Variants in MACROD2 observed in about 807,000 individuals in gnomAD.
MACROD2 encodes the protein mono-ADP ribosylhydrolase 2, also known as ADP-ribose glycohydrolase MACROD2.
In MACROD2, 36 loss-of-function variants were observed where a neutral mutation model predicts 70.4. The observed-to-expected ratio is 0.51, with a 90% CI of 0.39 to 0.68. The LOEUF (loss-of-function observed/expected upper bound fraction) is 0.68. Among genes scored for constraint, MACROD2 ranks in the 30% least tolerant of loss-of-function variants. The pLI, the probability that MACROD2 is intolerant of heterozygous loss-of-function variation, is 0.00. For missense variants in MACROD2, 496 were observed against 538.4 expected (o/e 0.92, Z 0.78); for synonymous variants, 172 against 178.8 (o/e 0.96, Z 0.30).
chr20:15,846,735 C>A (rs1286607353), intron 8 of MACROD2, among the ~76,000 whole-genome samples: 1 of 151,834 alleles, frequency 6.6e-6, no homozygotes, highest in Non-Finnish European at 1.5e-5. Context: ...GAAAACATGG[C>A]GAAATGTCAG....
chr20:14,605,507 G>A (rs997289220), intron 4 of MACROD2, among the ~76,000 whole-genome samples: 2 of 152,114 alleles, frequency 1.3e-5, no homozygotes, highest in Non-Finnish European at 2.9e-5. Context: ...GGTCCCACTC[G>A]TAGGTGCTGA....
chr20:15,373,700 G>C (rs2045524334), intron 6 of MACROD2, among the ~76,000 whole-genome samples: 1 of 152,086 alleles, frequency 6.6e-6, no homozygotes, highest in South Asian at 2.1e-4. Context: ...ACTGCACCCA[G>C]CTTTTTTTGG....
chr20:15,739,033 T>C (rs892869787), intron 8 of MACROD2, among the ~76,000 whole-genome samples: 5 of 151,932 alleles, frequency 3.3e-5, no homozygotes, highest in African/African-American at 1.2e-4. Flanking sequence ...TAGGCCAAAA[T>C]GATAATTTCG....
At chr20:15,496,821 G>A (rs935286708) in intron 7 of MACROD2, among the ~76,000 whole-genome samples, 3 of 152,150 alleles carry the variant, frequency 2.0e-5, no homozygotes, top group Non-Finnish European at 4.4e-5. Flanking sequence ...CCTCTGTTTT[G>A]TGTAAGGTTG....
intron 10 of MACROD2, among the ~76,000 whole-genome samples, chr20:15,926,279 A>G (rs772990171): frequency 6.6e-6 from 1 of 152,210 alleles, no homozygotes. Context: ...GGAATAGAAG[A>G]TAATCTACCT....
intron 5 of MACROD2, among the ~76,000 whole-genome samples, chr20:14,914,897 C>A (rs1600815784): frequency 6.6e-6 from 1 of 152,134 alleles, no homozygotes; most frequent in Non-Finnish European, 1.5e-5. Context: ...GTTTCCTTTT[C>A]CAATTTAACA....
At chr20:15,366,838 C>G (rs994809898) in intron 6 of MACROD2, among the ~76,000 whole-genome samples, 2 of 151,830 alleles carry the variant, frequency 1.3e-5, no homozygotes, top group Non-Finnish European at 2.9e-5. Context: ...TGACATGAGC[C>G]ACCATGCCCA....
intron 3 of MACROD2, among the ~76,000 whole-genome samples, chr20:14,214,499 T>G (rs1159552339): frequency 6.6e-6 from 1 of 152,082 alleles, no homozygotes; most frequent in Non-Finnish European, 1.5e-5. Context: ...CTCTTTAAAG[T>G]TTTTGAAATG....
chr20:15,002,100 A>G (rs983116165), intron 5 of MACROD2, among the ~76,000 whole-genome samples: 1 of 152,180 alleles, frequency 6.6e-6, no homozygotes, highest in Non-Finnish European at 1.5e-5. Context: ...TTTTTCATAT[A>G]ATGACTTCTT....
chr20:14,968,930 G>A (rs1198654256), intron 5 of MACROD2, among the ~76,000 whole-genome samples: 1 of 152,124 alleles, frequency 6.6e-6, no homozygotes, highest in Non-Finnish European at 1.5e-5. Context: ...CACTTGCTCA[G>A]AGAGAGCTTT....
At chr20:14,378,807 A>G (rs188759343) in intron 3 of MACROD2, among the ~76,000 whole-genome samples, 2 of 152,262 alleles carry the variant, frequency 1.3e-5, no homozygotes, top group South Asian at 2.1e-4. Context: ...ATATTTGGCT[A>G]TTGTCTTCCT....
intron 15 of MACROD2, among the ~76,000 whole-genome samples, chr20:16,005,520 A>G (rs1045242971): frequency 1.2e-4 from 19 of 152,214 alleles, no homozygotes; most frequent in African/African-American, 4.6e-4. Flanking sequence ...CCAGGGCTCC[A>G]TCTGCAATTG....
chr20:15,423,923 G>C (rs1416749270), intron 6 of MACROD2, among the ~76,000 whole-genome samples: 1 of 152,144 alleles, frequency 6.6e-6, no homozygotes, highest in Non-Finnish European at 1.5e-5. Flanking sequence ...CTAAGATCAG[G>C]GTGCCAGCAT....
intron 5 of MACROD2, among the ~76,000 whole-genome samples, chr20:14,971,170 G>A (rs1340319366): frequency 2.0e-5 from 3 of 152,172 alleles, no homozygotes; most frequent in Non-Finnish European, 1.5e-5. Context: ...ACAAATAGTT[G>A]TTGTACTGTT....
At chr20:14,941,069 C>T (rs763194226) in intron 5 of MACROD2, among the ~76,000 whole-genome samples, 1 of 152,042 alleles carries the variant, frequency 6.6e-6, no homozygotes, top group Non-Finnish European at 1.5e-5. Context: ...AGTCTCATTA[C>T]TCATTATTAG....
chr20:14,058,090 C>G (rs972071924), intron 2 of MACROD2, among the ~76,000 whole-genome samples: 5 of 152,176 alleles, frequency 3.3e-5, no homozygotes, highest in African/African-American at 1.2e-4. Context: ...TATTGGGCTT[C>G]TAGGTATTAG....
chr20:14,117,445 AG>A (rs759369296), intron 3 of MACROD2, among the ~76,000 whole-genome samples: 9 of 152,302 alleles, frequency 5.9e-5, no homozygotes, highest in Non-Finnish European at 1.3e-4. Context: ...CTGGGAATAG[AG>A]GGATAAATGA....
chr20:14,557,326 A>G (rs546542696), intron 4 of MACROD2, among the ~76,000 whole-genome samples: 1 of 152,074 alleles, frequency 6.6e-6, no homozygotes, highest in East Asian at 1.9e-4. Context: ...ATTCTTAGAT[A>G]TGATACCAAA....
At chr20:15,699,257 T>C (rs2050420262) in intron 8 of MACROD2, among the ~76,000 whole-genome samples, 1 of 152,164 alleles carries the variant, frequency 6.6e-6, no homozygotes, top group Admixed American at 6.5e-5. Context: ...TATTTTTTCG[T>C]CCCATGGGGT....
Sources: gnomAD v4.1 joint callset for allele counts (sites outside exome capture counted in the v4.1 genomes callset) on GRCh38, gnomAD v4.1.1 for gene constraint, MANE v1.5 for transcripts, NCBI Gene and HGNC (gene_info 2026-07-23, HGNC 2026-07-21) for gene names.